The following ARHGAP29 variants were observed in gnomAD, a reference collection of about 807,000 sequenced individuals.
The protein encoded by ARHGAP29 is rho GTPase-activating protein 29.
ARHGAP29 carries 43 observed loss-of-function variants against 122.6 expected under a neutral mutation model. The ratio of observed to expected loss-of-function variants is 0.35; its 90% CI spans 0.27 to 0.45. The LOEUF (loss-of-function observed/expected upper bound fraction) is 0.45. Ranked by LOEUF, ARHGAP29 falls within the 20% of genes least tolerant of loss-of-function variation. The pLI, the probability that ARHGAP29 is intolerant of heterozygous loss-of-function variation, is 1.00. For synonymous variants in ARHGAP29, 506 were observed against 497.1 expected (o/e 1.02, Z -0.24); for missense variants, 1,303 against 1,477.2 (o/e 0.88, Z 1.93).
At chr1:94,216,658 T>A (rs1476908681) in intron 3 of ARHGAP29, among the ~76,000 whole-genome samples, 1 of 152,190 alleles carries the variant, frequency 6.6e-6, no homozygotes, top group Non-Finnish European at 1.5e-5. Flanking sequence ...TAAGACTTAT[T>A]TTTCTTTTTT....
In ARHGAP29 at chr1:94,169,183, A is replaced by G. The variant is rs932470968; in HGVS notation, c.*4686T>C. Among the ~76,000 whole-genome samples the G allele has an allele frequency of 2.6e-5, 4 of 152,204 alleles. No homozygotes were observed. The highest frequency in any genetic ancestry group is 9.6e-5 in the African/African-American group (4 of 41,454). On this transcript the variant is annotated 3_prime_UTR_variant, in exon 23 of 23. Coordinates refer to ENST00000260526, the MANE Select transcript of ARHGAP29 (RefSeq NM_004815.4). ...CTGATAAATTCAGTGAGTATTCAAT[A>G]ATTGCTCATTATCAAAAGGTTGTGA...
intron 22 of ARHGAP29, chr1:94,177,206 A>C (rs182037223): frequency 1.9e-3 from 293 of 154,464 alleles, no homozygotes; most frequent in East Asian, 0.01. Flanking sequence ...AGGACTCTAA[A>C]GTTTTTGAAT....
In ARHGAP29 at chr1:94,215,324, C is replaced by CA. The variant is rs570194324; in HGVS notation, c.340+4933dup. On this transcript the variant is annotated intron_variant, in intron 3 of 22. Coordinates refer to ENST00000260526, the MANE Select transcript of ARHGAP29 (RefSeq NM_004815.4). ...CAAATCATCAAAAAACAAAACAAAA[C>CA]AAAAAAAAAACCAGTAGATATTTTT... 1.2e-3 allele frequency among the ~76,000 whole-genome samples: 171 copies of CA among 144,134 alleles called. 2 individuals are homozygous for CA. Among genetic ancestry groups the CA allele is most frequent in the East Asian group, 0.01 (50 of 4,992 alleles). The allele number at this position is 144,134 out of a possible 152,430, so 94.6% of individuals were successfully genotyped here.
At chr1:94,289,216 G>A in the ARHGAP29 span, among the ~76,000 whole-genome samples, 1 of 152,136 alleles carries the variant, frequency 6.6e-6, no homozygotes, top group African/African-American at 2.4e-5. Flanking sequence ...TCCCTTGTAA[G>A]TTGGATTCCT....
the ARHGAP29 span, among the ~76,000 whole-genome samples, chr1:94,285,015 CT>C: frequency 6.6e-6 from 1 of 152,168 alleles, no homozygotes; most frequent in Non-Finnish European, 1.5e-5. Flanking sequence ...AGTGCATTAG[CT>C]TTTTTGTCAA....
In ARHGAP29 at chr1:94,268,193, T is replaced by A. The variant is rs574944570; in HGVS notation, c.-33+6819A>T. ...CTTAGTTTAATTTAAATATTTGTAT[T>A]ACATGGCAAGACCCATAGACAATAT... is the stretch of plus-strand genomic sequence containing the variant. On this transcript the variant is annotated intron_variant and NMD_transcript_variant, in intron 1 of 25. Transcript: ENST00000552844. 3.1e-4 allele frequency among the ~76,000 whole-genome samples: 47 copies of A among 152,344 alleles called. 1 individual carries two copies. In the South Asian group the frequency reaches 9.5e-3, roughly 31 times the overall value.
At chr1:94,240,810 A>G (rs1382614524), upstream of ARHGAP29, among the ~76,000 whole-genome samples, 1 of 152,186 alleles carries the variant, frequency 6.6e-6, no homozygotes, top group Non-Finnish European at 1.5e-5. Context: ...TGTTCTCTTC[A>G]AAATGTTTGT....
intron 12 of ARHGAP29, chr1:94,195,054 G>A (rs1368727494): frequency 6.6e-6 from 1 of 152,146 alleles, no homozygotes; most frequent in South Asian, 2.1e-4. Flanking sequence ...AGATTTTCTC[G>A]GGTTATATAA....
At chr1:94,296,882 C>A in the ARHGAP29 span, among the ~76,000 whole-genome samples, 4 of 152,154 alleles carry the variant, frequency 2.6e-5, no homozygotes, top group African/African-American at 7.2e-5. Context: ...TAAATAGGAA[C>A]CATAACTTTG....
In ARHGAP29 at chr1:94,228,467, C is replaced by T. The variant is rs200677280; in HGVS notation, c.205+2940G>A. On this transcript the variant is annotated intron_variant, in intron 2 of 22. Coordinates refer to ENST00000260526, the MANE Select transcript of ARHGAP29 (RefSeq NM_004815.4). ...AATTAAGCCATATTCCAAAGCTAGT[C>T]AGTAGAACTAGGCCTAGAACCTAGA... Among the ~76,000 whole-genome samples the T allele has an allele frequency of 5.3e-5, 8 of 151,888 alleles. No homozygotes were observed. The East Asian group carries it at 1.5e-3, about 29-fold the overall frequency.
upstream of ARHGAP29, among the ~76,000 whole-genome samples, chr1:94,241,718 TA>T (rs1653590388): frequency 1.1e-4 from 1 of 8,732 alleles, no homozygotes; most frequent in African/African-American, 1.6e-4. Context: ...ATATATAATT[TA>T]TATATAATAT....
intron 1 of ARHGAP29, among the ~76,000 whole-genome samples, chr1:94,256,818 A>G (rs1450910929): frequency 6.6e-6 from 1 of 151,862 alleles, no homozygotes; most frequent in Middle Eastern, 3.4e-3. Flanking sequence ...TCAGCCTCTC[A>G]AAGTGCTGGG....
chr1:94,307,390 CT>C, the ARHGAP29 span, among the ~76,000 whole-genome samples: 1 of 152,098 alleles, frequency 6.6e-6, no homozygotes, highest in Non-Finnish European at 1.5e-5. Flanking sequence ...AATATTTCCT[CT>C]AGAAAATGTG....
chr1:94,213,499 A>G (rs1322050972), intron 3 of ARHGAP29, among the ~76,000 whole-genome samples: 1 of 152,138 alleles, frequency 6.6e-6, no homozygotes, highest in Non-Finnish European at 1.5e-5. Flanking sequence ...CTTTTTCTAT[A>G]AAGGACCAGG....
chr1:94,205,543 T>G, intron 6 of ARHGAP29, 92 bp downstream of exon 6: 2 of 1,195,130 alleles, frequency 1.7e-6, no homozygotes, highest in South Asian at 2.7e-5. Context: ...ATGAATACAC[T>G]AGGTTACTAA....
chr1:94,313,907 T>C, the ARHGAP29 span, among the ~76,000 whole-genome samples: 1 of 152,244 alleles, frequency 6.6e-6, no homozygotes, highest in Non-Finnish European at 1.5e-5. Flanking sequence ...TTCTCACTCA[T>C]AGGTGGGACT....
chr1:94,176,617 T>G (rs1306523110), intron 22 of ARHGAP29: 1 of 152,264 alleles, frequency 6.6e-6, no homozygotes, highest in Non-Finnish European at 1.5e-5. Context: ...CATTCCTTTT[T>G]TTTTTCTTTG....
chr1:94,283,484 A>T, the ARHGAP29 span, among the ~76,000 whole-genome samples: 10 of 152,210 alleles, frequency 6.6e-5, no homozygotes, highest in South Asian at 2.1e-4. Flanking sequence ...ATTATTTTTT[A>T]AAAAATCATA....
At chr1:94,187,056 AC>A (rs1366814494) in intron 15 of ARHGAP29, among the ~76,000 whole-genome samples, 1 of 152,198 alleles carries the variant, frequency 6.6e-6, no homozygotes, top group Non-Finnish European at 1.5e-5. Context: ...TAACAACCCA[AC>A]AGTAACATCA....
Sources: allele counts gnomAD v4.1 joint callset (sites outside exome capture counted in the v4.1 genomes callset), GRCh38; gene constraint gnomAD v4.1.1; transcripts MANE v1.5; gene names NCBI Gene and HGNC (gene_info 2026-07-23, HGNC 2026-07-21).